Variants in TMEM63B observed in about 807,000 individuals in gnomAD.
The protein encoded by TMEM63B is mechanosensitive cation channel TMEM63B.
In TMEM63B, 23 loss-of-function variants were observed where a neutral mutation model predicts 102.6. The ratio of observed to expected loss-of-function variants is 0.22; its 90% CI spans 0.16 to 0.32. The LOEUF (loss-of-function observed/expected upper bound fraction) is 0.32, where lower values mean the gene tolerates loss of function less well. Ranked by LOEUF, TMEM63B falls within the 10% of genes least tolerant of loss-of-function variation. The pLI is 1.00. For missense variants in TMEM63B, 628 were observed against 1,095.9 expected (o/e 0.57, Z 6.03); for synonymous variants, 444 against 437.0 (o/e 1.02, Z -0.20).
chr6:44,152,708 G>A lies in TMEM63B; in HGVS notation c.1942+10G>A, dbSNP rs1270173900. The stretch of plus-strand genomic sequence containing the variant: ...ATCATCGTGCCCTTCGGTAGGCACC[G>A]CCGCGCCGGGACCTGGGCCCTGCTC... On this transcript the variant is annotated intron_variant, in intron 20 of 23. Transcript: ENST00000323267. The surrounding 1 kb of genome is among the most constrained non-coding windows in gnomAD (Gnocchi z 6.4). The A allele has an allele frequency of 3.7e-6, 6 of 1,600,124 alleles. No homozygotes were observed. The highest frequency in any genetic ancestry group is 1.3e-5 in the African/African-American group (1 of 74,926).
At chr6:44,130,775 A>G (rs1383472241) in intron 1 of TMEM63B, among the ~76,000 whole-genome samples, 2 of 143,172 alleles carry the variant, frequency 1.4e-5, no homozygotes, top group African/African-American at 5.3e-5. Flanking sequence ...CCCTCGAGAC[A>G]AGGTTTTGCT....
At chr6:44,151,699 C>T (rs1766666392) in intron 18 of TMEM63B, 147 bp from the exon 19 acceptor site, 10 of 912,234 alleles carry the variant, frequency 1.1e-5, no homozygotes, top group Admixed American at 2.4e-5. Context: ...GGGAACAGGG[C>T]ACAGGTGCTT....
chr6:44,140,880 T>G, intron 9 of TMEM63B, 148 bp from the exon 10 acceptor site: 1 of 686,354 alleles, frequency 1.5e-6, no homozygotes, highest in East Asian at 2.7e-5. Context: ...AACTAAGGCC[T>G]CCTCCCACCC....
chr6:44,141,346 C>T (rs1764225837), intron 10 of TMEM63B, among the ~76,000 whole-genome samples: 1 of 152,184 alleles, frequency 6.6e-6, no homozygotes, highest in Admixed American at 6.5e-5. Flanking sequence ...AACCCCCAAA[C>T]CTCCTCCTGG....
chr6:44,151,015 T>A (rs1394120962), intron 18 of TMEM63B, among the ~76,000 whole-genome samples: 1 of 152,070 alleles, frequency 6.6e-6, no homozygotes, highest in Admixed American at 6.5e-5. Context: ...TAGGGAGGTC[T>A]TGGTGATACT....
At position 44,136,448 on chromosome 6, in the gene TMEM63B, C is replaced by A; in HGVS notation, c.369+9C>A. 6.2e-7 allele frequency: 1 copy of A among 1,610,366 alleles called. No homozygotes were observed. Among genetic ancestry groups the A allele is most frequent in the Non-Finnish European group, 8.5e-7 (1 of 1,177,552 alleles). Reference sequence around the variant, plus strand: ...TTGACCAAAGGGACAATGTGAGTGCCCTCCCCCCAAACTTCTTAGTCCCCC... The same window carrying A: ...TTGACCAAAGGGACAATGTGAGTGCACTCCCCCCAAACTTCTTAGTCCCCC... On this transcript the variant is annotated intron_variant, in intron 5 of 23. Coordinates refer to ENST00000323267, the MANE Select transcript of TMEM63B (RefSeq NM_018426.3).
Position 44,152,540 on chromosome 6 carries a change from C to A in TMEM63B, c.1837-53C>A. 7.1e-7 allele frequency: 1 copy of A among 1,413,754 alleles called. No individual in the cohort carries two copies. The allele number at this position is 1,413,754 out of a possible 1,614,324, so 87.6% of individuals were successfully genotyped here. Reference sequence around the variant, plus strand: ...CTTCCCCCTCCCTCCTTCCCTGCCCCTCTGGTCAGTCCCTGCCTCCCTGAG... The same window carrying A: ...CTTCCCCCTCCCTCCTTCCCTGCCCATCTGGTCAGTCCCTGCCTCCCTGAG... On this transcript the variant is annotated intron_variant, in intron 19 of 23. Transcript: ENST00000323267. This position sits in a 1 kb window ranked among gnomAD's most constrained non-coding sequence, Gnocchi z 6.4.
upstream of TMEM63B, chr6:44,126,952 G>A (rs769405037): frequency 6.6e-5 from 10 of 152,272 alleles, no homozygotes; most frequent in Non-Finnish European, 1.3e-4. Context: ...CCAGACCTAA[G>A]TTGGGAAAGG....
intron 11 of TMEM63B, 150 bp downstream of exon 11, chr6:44,147,077 T>A: frequency 1.0e-6 from 1 of 980,308 alleles, no homozygotes; most frequent in Non-Finnish European, 1.6e-6. Flanking sequence ...AATTCAGCTC[T>A]GGAAAGAGCA....
chr6:44,140,160 G>A (rs764478419), intron 8 of TMEM63B, 92 bp from the exon 9 acceptor site: 13 of 1,007,820 alleles, frequency 1.3e-5, no homozygotes, highest in Non-Finnish European at 1.7e-5. Flanking sequence ...GGCCCTGTCT[G>A]TATCAAGGGT....
In TMEM63B at chr6:44,152,753, C is replaced by A. The variant is rs764497997; in HGVS notation, c.1942+55C>A. Reference sequence around the variant, plus strand: ...CTGCTCGGGGGGACCCAGGACTTCACCCTCTCCACTCTAGGAATGCAGGCC... The same window carrying A: ...CTGCTCGGGGGGACCCAGGACTTCAACCTCTCCACTCTAGGAATGCAGGCC... On this transcript the variant is annotated intron_variant, in intron 20 of 23. Coordinates refer to ENST00000323267, the MANE Select transcript of TMEM63B (RefSeq NM_018426.3). This position sits in a 1 kb window ranked among gnomAD's most constrained non-coding sequence, Gnocchi z 6.4. The A allele has an allele frequency of 5.5e-6, 8 of 1,446,800 alleles. No homozygotes were observed. Among genetic ancestry groups the A allele is most frequent in the Non-Finnish European group, 7.7e-6 (8 of 1,042,834 alleles). The allele number at this position is 1,446,800 out of a possible 1,614,324, so 89.6% of individuals were successfully genotyped here. A position where few individuals can be genotyped will look rare whatever the true frequency, so the allele number is the denominator to read the frequency against.
intron 22 of TMEM63B, 52 bp downstream of exon 22, chr6:44,154,240 G>A (rs766765142): frequency 6.2e-7 from 1 of 1,601,214 alleles, no homozygotes; most frequent in Non-Finnish European, 8.6e-7. Context: ...CTCAAGGGGA[G>A]GAATGCAGAG....
At chr6:44,135,486 C>A (rs916126714) in intron 4 of TMEM63B, 120 bp downstream of exon 4, 3 of 1,290,606 alleles carry the variant, frequency 2.3e-6, no homozygotes, top group Non-Finnish European at 3.2e-6. Context: ...CCTCTGCAGG[C>A]TCATGTTTCG....
Position 44,149,980 on chromosome 6 carries a change from C to T in TMEM63B, c.1520+15C>T, listed in dbSNP as rs1342268964. On this transcript the variant is annotated intron_variant, in intron 16 of 23. Transcript: ENST00000323267. The stretch of plus-strand genomic sequence containing the variant: ...CACTGGACACGGTAAGGTGCCTCCA[C>T]TCACACCACACCTCGCTGTGGCCTG... 1.9e-6 allele frequency: 3 copies of T among 1,607,086 alleles called. No individual in the cohort carries two copies. The highest frequency in any genetic ancestry group is 2.2e-5 in the East Asian group (1 of 44,664).
intron 15 of TMEM63B, 141 bp downstream of exon 15, chr6:44,149,086 G>A (rs1766021930): frequency 7.6e-7 from 1 of 1,310,894 alleles, no homozygotes. Flanking sequence ...AAAAACCCCT[G>A]TGTGCACTTC....
intron 9 of TMEM63B, 109 bp downstream of exon 9, chr6:44,140,469 T>C: frequency 1.2e-6 from 1 of 854,676 alleles, no homozygotes; most frequent in Non-Finnish European, 1.9e-6. Context: ...GTTTGAATGC[T>C]GGCACAGCAG....
chr6:44,140,340 C>T lies in TMEM63B; in HGVS notation c.691C>T (p.Arg231Cys), dbSNP rs772116518. 1.9e-6 allele frequency: 3 copies of T among 1,613,718 alleles called. No homozygotes were observed. Among genetic ancestry groups the T allele is most frequent in the Non-Finnish European group, 2.5e-6 (3 of 1,179,762 alleles). Residue 231 changes from arginine (R) to cysteine (C), a missense_variant, in exon 9 of 24, where the codon CGC (arginine) becomes TGC (cysteine). Transcript: ENST00000323267. ...YSMRRHTSKMRYKEDDLVKRT... is the reference protein window; with the variant it reads ...YSMRRHTSKMCYKEDDLVKRT... ...CATGCGTAGACACACCTCCAAGATG[C>T]GCTACAAGGAGGATGATCTGGTGCG...
At chr6:44,145,182 G>A (rs1765092285) in intron 10 of TMEM63B, among the ~76,000 whole-genome samples, 1 of 151,726 alleles carries the variant, frequency 6.6e-6, no homozygotes, top group Non-Finnish European at 1.5e-5. Context: ...GGCTGAGACA[G>A]GGGAATCACT....
Position 44,152,678 on chromosome 6 carries a change from GC to G in TMEM63B, c.1926del (p.Ile643SerfsTer12). On this transcript the variant is annotated frameshift_variant, in exon 20 of 24. Coordinates refer to ENST00000323267, the MANE Select transcript of TMEM63B (RefSeq NM_018426.3). LOFTEE classifies it high-confidence loss of function. The surrounding 1 kb of genome is among the most constrained non-coding windows in gnomAD (Gnocchi z 6.4). ...FTVVMTYSITCPIIVPFGLMY... is the reference protein window; with the variant it reads ...FTVVMTYSITXPIIVPFGLMY... ...GTGGTCATGACCTACAGTATCACCT[GC>G]CCCATCATCGTGCCCTTCGGTAGGC... 1 of 1,607,468 alleles carries G rather than the reference GC, an allele frequency of 6.2e-7. No individual in the cohort carries two copies.
Sources: gnomAD v4.1 joint callset for allele counts (sites outside exome capture counted in the v4.1 genomes callset) on GRCh38, gnomAD v4.1.1 for gene constraint, Gnocchi (gnomAD v3.1) non-coding constraint, MANE v1.5 for transcripts, NCBI Gene and HGNC (gene_info 2026-07-23, HGNC 2026-07-21) for gene names.